Variants in TAPT1 observed in about 807,000 individuals in gnomAD.
TAPT1 encodes the protein transmembrane anterior posterior transformation 1.
In TAPT1, 28 loss-of-function variants were observed where a neutral mutation model predicts 65.6. That is an observed-to-expected ratio of 0.43 (90% CI 0.32 to 0.59). The LOEUF (loss-of-function observed/expected upper bound fraction) is 0.59. Among genes scored for constraint, TAPT1 ranks in the 20% least tolerant of loss-of-function variants. The pLI, the probability that TAPT1 is intolerant of heterozygous loss-of-function variation, is 0.09. For synonymous variants in TAPT1, 278 were observed against 245.2 expected, an observed-to-expected ratio of 1.13 and a Z score of -1.25; for missense variants, 563 against 679.9, an observed-to-expected ratio of 0.83 and a Z score of 1.91.
rs1231543229 is a variant in TAPT1 at position 16,188,374 on chromosome 4, TG to T, written c.613-20del. ...CAGCTACCTAAAAAAAAAAATTATTTGTAAGATGTTTCTTAATATTCCATTT... is the reference window on the plus strand; with the variant it reads ...CAGCTACCTAAAAAAAAAAATTATTTTAAGATGTTTCTTAATATTCCATTT... On this transcript the variant is annotated intron_variant, in intron 4 of 13. Coordinates refer to ENST00000405303, the MANE Select transcript of TAPT1 (RefSeq NM_153365.3). 3 of 1,519,768 alleles carry T rather than the reference TG, an allele frequency of 2.0e-6. No homozygotes were observed. The highest frequency in any genetic ancestry group is 2.6e-6 in the Non-Finnish European group (3 of 1,132,586). 94.1% of individuals were successfully genotyped at this position (1,519,768 alleles called of 1,614,324 possible). A position where few individuals can be genotyped will look rare whatever the true frequency, so the allele number is the denominator to read the frequency against.
chr4:16,226,390 C>G lies in TAPT1; in HGVS notation c.68G>C (p.Arg23Pro). 9.1e-7 allele frequency: 1 copy of G among 1,098,490 alleles called. No homozygotes were observed. The highest frequency in any genetic ancestry group is 5.5e-5 in the East Asian group (1 of 18,306). The allele number at this position is 1,098,490 out of a possible 1,614,324, so 68.0% of individuals were successfully genotyped here. A position where few individuals can be genotyped will look rare whatever the true frequency, so the allele number is the denominator to read the frequency against. ...GGGGGVDGPQ[R>P]DGRGEAEQPG... ...CTGCTCCGCCTCGCCGCGGCCGTCC[C>G]GCTGCGGGCCGTCCACGCCGCCACC... is the stretch of plus-strand genomic sequence containing the variant. The change falls in exon 1 of 14, where the codon CGG becomes CCG. Residue 23 changes from arginine to proline, a missense_variant. By Grantham distance (103) the Arg-to-Pro change is moderately radical (BLOSUM62 -2). This residue lies in a region of TAPT1 where 103 missense variants were observed against 89.4 expected (regional missense o/e 1.15). Transcript: ENST00000405303.
chr4:16,182,619 G>A (rs990642414), intron 7 of TAPT1, among the ~76,000 whole-genome samples: 52 of 152,162 alleles, frequency 3.4e-4, no homozygotes, highest in African/African-American at 1.2e-3. Flanking sequence ...AGTGCTAAGT[G>A]AGCTATAAGC....
intron 12 of TAPT1, among the ~76,000 whole-genome samples, chr4:16,170,046 G>A (rs1413646743): frequency 6.6e-6 from 1 of 152,154 alleles, no homozygotes; most frequent in Non-Finnish European, 1.5e-5. Flanking sequence ...GCCAGGTCTG[G>A]GTACTTTATC....
At position 16,196,770 on chromosome 4, in the gene TAPT1, C is replaced by A. The variant is rs770981092; in HGVS notation, c.450-5247G>T. 3.8e-6 allele frequency: 4 copies of A among 1,040,292 alleles called. No homozygotes were observed. In the South Asian group the frequency reaches 5.3e-5, roughly 14 times the overall value. The allele number at this position is 1,040,292 out of a possible 1,614,324, so 64.4% of individuals were successfully genotyped here. ...AAGAGAGAAGATTGTAATGTTGCTA[C>A]GCTACTTAGAGCTCCATGGTGAGGA... On this transcript the variant is annotated intron_variant, in intron 3 of 13. Coordinates refer to ENST00000405303, the MANE Select transcript of TAPT1 (RefSeq NM_153365.3).
chr4:16,226,540 T>G, upstream of TAPT1: 2 of 826,120 alleles, frequency 2.4e-6, no homozygotes, highest in Admixed American at 6.2e-5. Flanking sequence ...GCCCCGCCCC[T>G]CGCCGGAGCC....
At position 16,179,947 on chromosome 4, in the gene TAPT1, T is replaced by C. The variant is rs178450; in HGVS notation, c.917-290A>G. Among the ~76,000 whole-genome samples the C allele has an allele frequency of 0.47, 71,561 of 151,728 alleles. 18,098 individuals are homozygous for C. Among genetic ancestry groups the C allele is most frequent in the African/African-American group, 0.66 (27,379 of 41,308 alleles). On this transcript the variant is annotated intron_variant, in intron 7 of 13. Coordinates refer to ENST00000405303, the MANE Select transcript of TAPT1 (RefSeq NM_153365.3). ...TATTCAAACCATCAAACTGCTCAGA[T>C]GAGGTCATTAGGTTCCTCCAATGGG...
chr4:16,226,948 G>C (rs923535491), upstream of TAPT1: 8 of 401,188 alleles, frequency 2.0e-5, no homozygotes, highest in Non-Finnish European at 2.4e-5. Flanking sequence ...TCGGTGCCCG[G>C]AGTGCGCCGG....
chr4:16,181,233 C>T (rs1046506102), intron 7 of TAPT1, among the ~76,000 whole-genome samples: 11 of 152,128 alleles, frequency 7.2e-5, no homozygotes, highest in Admixed American at 5.9e-4. Flanking sequence ...CCAAGCTGTA[C>T]CTATATGTGT....
chr4:16,187,898 A>G (rs560409018), intron 5 of TAPT1, among the ~76,000 whole-genome samples: 1 of 152,366 alleles, frequency 6.6e-6, no homozygotes, highest in South Asian at 2.1e-4. Context: ...AAATTCTAAC[A>G]TAAGTACGAA....
At chr4:16,163,577 T>G (rs952713643) in intron 13 of TAPT1, 40 bp from the exon 14 acceptor site, 2 of 1,473,804 alleles carry the variant, frequency 1.4e-6, no homozygotes, top group Admixed American at 3.9e-5. Flanking sequence ...GAAAGACTTT[T>G]CTCCAATTAT....
chr4:16,171,126 A>G (rs982657018), intron 11 of TAPT1, among the ~76,000 whole-genome samples: 6 of 152,212 alleles, frequency 3.9e-5, no homozygotes, highest in African/African-American at 1.4e-4. Flanking sequence ...ACGTGTCCAC[A>G]CCAAAGCTAG....
In TAPT1 at chr4:16,211,123, CAT is replaced by C. The variant is rs1175909720; in HGVS notation, c.330+2643_330+2644del. On this transcript the variant is annotated intron_variant, in intron 2 of 13. Transcript: ENST00000405303. ...TATCTTAAAATATAAAAATTAATTA[CAT>C]GTTTTATGGTGTTTGCAACCTTTGT... Among the ~76,000 whole-genome samples, 7 of 151,030 alleles carry C rather than the reference CAT, an allele frequency of 4.6e-5. No individual in the cohort carries two copies. In the East Asian group the frequency reaches 5.8e-4, roughly 13 times the overall value.
intron 4 of TAPT1, among the ~76,000 whole-genome samples, chr4:16,189,602 C>T (rs1749239694): frequency 6.6e-6 from 1 of 152,176 alleles, no homozygotes; most frequent in South Asian, 2.1e-4. Flanking sequence ...TATTCAGCAA[C>T]AGTAACTATG....
intron 2 of TAPT1, among the ~76,000 whole-genome samples, chr4:16,205,004 C>T (rs1363375049): frequency 6.6e-6 from 1 of 152,206 alleles, no homozygotes; most frequent in African/African-American, 2.4e-5. Context: ...CTACAACCTG[C>T]TCTTATCATA....
At chr4:16,225,886 ATAAT>A in intron 1 of TAPT1, 1 of 985,958 alleles carries the variant, frequency 1.0e-6, no homozygotes, top group Non-Finnish European at 1.2e-6. Flanking sequence ...TGGCATGAAT[ATAAT>A]TAAGAAATCA....
At chr4:16,217,250 A>G (rs1362762326) in intron 1 of TAPT1, among the ~76,000 whole-genome samples, 2 of 152,074 alleles carry the variant, frequency 1.3e-5, no homozygotes, top group African/African-American at 4.8e-5. Context: ...TTTCTCATTC[A>G]CCTTTGCATC....
intron 3 of TAPT1, chr4:16,196,607 T>C: frequency 1.0e-6 from 1 of 992,592 alleles, no homozygotes; most frequent in Non-Finnish European, 1.4e-6. Context: ...TTGCATTTAA[T>C]GAATGTCAAT....
intron 13 of TAPT1, among the ~76,000 whole-genome samples, chr4:16,166,382 C>CGGTGAAA (rs1468682645): frequency 1.3e-5 from 2 of 152,246 alleles, no homozygotes; most frequent in African/African-American, 4.8e-5. Context: ...AATTGCCTTT[C>CGGTGAAA]CACCCCACTG....
chr4:16,179,548 A>C, intron 8 of TAPT1, 29 bp downstream of exon 8: 1 of 1,352,576 alleles, frequency 7.4e-7, no homozygotes. Flanking sequence ...GTAAAATTAT[A>C]AGACACTGTT....
Sources: allele counts gnomAD v4.1 joint callset (sites outside exome capture counted in the v4.1 genomes callset), GRCh38; gene constraint gnomAD v4.1.1; regional missense constraint gnomAD v4.1.1; transcripts MANE v1.5; gene names NCBI Gene and HGNC (gene_info 2026-07-23, HGNC 2026-07-21).